Variants in PDE4D observed in about 807,000 individuals in gnomAD.
PDE4D encodes the protein 3',5'-cyclic-AMP phosphodiesterase 4D.
Under a neutral mutation model 87.4 loss-of-function variants are expected in PDE4D, and 24 were observed. The observed-to-expected ratio is 0.27, with a 90% CI of 0.20 to 0.39. The LOEUF is 0.39. PDE4D is among the 10% of genes least tolerant of loss of function. The pLI is 1.00. For synonymous variants in PDE4D, 384 were observed against 383.2 expected (o/e 1.00, Z -0.02); for missense variants, 714 against 1,041.0 (o/e 0.69, Z 4.32).
intron 1 of PDE4D, among the ~76,000 whole-genome samples, chr5:59,727,493 C>T (rs1337206823): frequency 4.6e-5 from 7 of 152,076 alleles, no homozygotes; most frequent in African/African-American, 1.7e-4. Context: ...TCCAATTACT[C>T]TTTCCACAGG....
At chr5:60,413,479 AG>A in intron 1 of PDE4D, among the ~76,000 whole-genome samples, 2 of 152,294 alleles carry the variant, frequency 1.3e-5, no homozygotes, top group East Asian at 3.9e-4. Flanking sequence ...AGAAGGAGGA[AG>A]AAACGAAAGG....
At chr5:59,965,259 C>T (rs1759915327) in intron 3 of PDE4D, among the ~76,000 whole-genome samples, 2 of 152,122 alleles carry the variant, frequency 1.3e-5, no homozygotes, top group South Asian at 2.1e-4. Context: ...GTTAATTCCT[C>T]AACTTAAAAA....
chr5:59,878,373 A>C (rs886533604), intron 1 of PDE4D, among the ~76,000 whole-genome samples: 2 of 152,204 alleles, frequency 1.3e-5, no homozygotes, highest in African/African-American at 4.8e-5. Context: ...ACTTTCCCCC[A>C]CTCAAACAAG....
intron 1 of PDE4D, among the ~76,000 whole-genome samples, chr5:59,829,601 G>A (rs1740872194): frequency 6.6e-6 from 1 of 151,880 alleles, no homozygotes; most frequent in Non-Finnish European, 1.5e-5. Flanking sequence ...AGAACTAATG[G>A]CCTCATTCTA....
At chr5:60,267,663 A>G (rs1750355407) in intron 1 of PDE4D, among the ~76,000 whole-genome samples, 1 of 152,072 alleles carries the variant, frequency 6.6e-6, no homozygotes, top group Non-Finnish European at 1.5e-5. Context: ...TCATTTCCTT[A>G]CCTTTTCCAC....
chr5:59,712,950 T>C (rs1754432126), intron 1 of PDE4D, among the ~76,000 whole-genome samples: 1 of 152,194 alleles, frequency 6.6e-6, no homozygotes, highest in African/African-American at 2.4e-5. Context: ...ACTATAACAC[T>C]GGAATATTTA....
At chr5:59,153,461 C>T (rs1362229822) in intron 5 of PDE4D, among the ~76,000 whole-genome samples, 2 of 152,182 alleles carry the variant, frequency 1.3e-5, no homozygotes, top group Non-Finnish European at 2.9e-5. Flanking sequence ...CCATCATCCA[C>T]TTCTTTCAAG....
intron 1 of PDE4D, among the ~76,000 whole-genome samples, chr5:59,281,184 G>A (rs539145224): frequency 4.6e-5 from 7 of 152,204 alleles, no homozygotes; most frequent in East Asian, 1.9e-4. Flanking sequence ...TGTTTTGGGC[G>A]ACTGGGGCAG....
chr5:59,392,193 A>C (rs1319396835), intron 1 of PDE4D, among the ~76,000 whole-genome samples: 1 of 151,832 alleles, frequency 6.6e-6, no homozygotes, highest in African/African-American at 2.4e-5. Context: ...GTTGCCAAAG[A>C]AGATTAACAT....
chr5:60,058,371 A>G (rs867565782), intron 2 of PDE4D, among the ~76,000 whole-genome samples: 3 of 151,966 alleles, frequency 2.0e-5, no homozygotes, highest in South Asian at 4.1e-4. Flanking sequence ...GCAGTGACTG[A>G]AACCAAAATA....
At chr5:59,285,990 C>G (rs1292305538) in intron 1 of PDE4D, among the ~76,000 whole-genome samples, 1 of 152,188 alleles carries the variant, frequency 6.6e-6, no homozygotes, top group Non-Finnish European at 1.5e-5. Flanking sequence ...GCATATGTAT[C>G]TCTGGCAGGA....
intron 5 of PDE4D, among the ~76,000 whole-genome samples, chr5:59,123,413 T>G (rs1013837977): frequency 6.6e-6 from 1 of 152,342 alleles, no homozygotes; most frequent in African/African-American, 2.4e-5. Context: ...CACAAAACTC[T>G]TCCCAGGTAA....
rs143227929 is a variant in PDE4D at position 59,411,576 on chromosome 5, C to T, written c.456-195608G>A. 4.4e-3 allele frequency among the ~76,000 whole-genome samples: 669 copies of T among 152,272 alleles called. 7 individuals are homozygous for T. In the Middle Eastern group the frequency reaches 0.044, roughly 10 times the overall value. ...TGGCTTTCAGATGGCTGCCTTCTTA[C>T]CATGTGTTTACATGGTTGTCTCTGT... On this transcript the variant is annotated intron_variant, in intron 1 of 14. Coordinates refer to ENST00000340635, the MANE Select transcript of PDE4D (RefSeq NM_001104631.2).
chr5:60,052,692 A>G (rs1178189987), intron 2 of PDE4D, among the ~76,000 whole-genome samples: 1 of 152,250 alleles, frequency 6.6e-6, no homozygotes, highest in Non-Finnish European at 1.5e-5. Flanking sequence ...TGGCCAGGGC[A>G]ATCAGGCAAG....
rs1337672354 is a variant in PDE4D at position 59,038,850 on chromosome 5, G to C, written c.921+9C>G. The C allele has an allele frequency of 1.3e-6, 2 of 1,520,344 alleles. No homozygotes were observed. The highest frequency in any genetic ancestry group is 2.5e-5 in the East Asian group (1 of 39,952). The allele number at this position is 1,520,344 out of a possible 1,614,324, so 94.2% of individuals were successfully genotyped here. Reference sequence around the variant, plus strand: ...TGGGGGCACCAGTGACAGCAGAACCGGGGCTTACCTTGTTGGAGGCCATCT... The same window carrying C: ...TGGGGGCACCAGTGACAGCAGAACCCGGGCTTACCTTGTTGGAGGCCATCT... On this transcript the variant is annotated intron_variant, in intron 6 of 14. Coordinates refer to ENST00000340635, the MANE Select transcript of PDE4D (RefSeq NM_001104631.2).
chr5:59,727,917 T>C (rs2150587408), intron 1 of PDE4D, among the ~76,000 whole-genome samples: 1 of 152,240 alleles, frequency 6.6e-6, no homozygotes, highest in Middle Eastern at 3.4e-3. Flanking sequence ...GAACAGCAAC[T>C]TGAAAGACTA....
intron 5 of PDE4D, among the ~76,000 whole-genome samples, chr5:59,070,673 T>C (rs1389632378): frequency 6.6e-6 from 1 of 152,204 alleles, no homozygotes; most frequent in Non-Finnish European, 1.5e-5. Context: ...TTACCTTTTT[T>C]TCTTTGTTTT....
intron 2 of PDE4D, among the ~76,000 whole-genome samples, chr5:60,059,209 A>C (rs1771132394): frequency 6.6e-6 from 1 of 152,010 alleles, no homozygotes; most frequent in Non-Finnish European, 1.5e-5. Context: ...TTGGCACCAG[A>C]GAACACTGTT....
chr5:59,421,095 T>C (rs976179627), intron 1 of PDE4D, among the ~76,000 whole-genome samples: 30 of 152,266 alleles, frequency 2.0e-4, no homozygotes, highest in African/African-American at 7.0e-4. Context: ...AGTTTATACA[T>C]TTTGTGAGCT....
Sources: allele counts gnomAD v4.1 joint callset (sites outside exome capture counted in the v4.1 genomes callset), GRCh38; gene constraint gnomAD v4.1.1; transcripts MANE v1.5; gene names NCBI Gene and HGNC (gene_info 2026-07-23, HGNC 2026-07-21).